The following CEP112 variants were observed in gnomAD, a reference collection of about 807,000 sequenced individuals.
CEP112 encodes centrosomal protein of 112 kDa.
A neutral mutation model predicts 153.0 loss-of-function variants in CEP112; 127 were observed. The ratio of observed to expected loss-of-function variants is 0.83; its 90% CI spans 0.72 to 0.96. The LOEUF (loss-of-function observed/expected upper bound fraction) is 0.96, where lower values mean the gene tolerates loss of function less well. CEP112 is among the 40% of genes least tolerant of loss of function. CEP112 has a pLI of 0.00. For synonymous variants in CEP112, 358 were observed against 374.4 expected, an observed-to-expected ratio of 0.96 and a Z score of 0.51; for missense variants, 1,089 against 1,101.2, an observed-to-expected ratio of 0.99 and a Z score of 0.16.
At chr17:65,799,973 G>A (rs973487478) in intron 21 of CEP112, among the ~76,000 whole-genome samples, 10 of 152,156 alleles carry the variant, frequency 6.6e-5, no homozygotes, top group Non-Finnish European at 1.3e-4. Flanking sequence ...AACTACAGGT[G>A]AGTCATACAT....
intron 23 of CEP112, among the ~76,000 whole-genome samples, chr17:65,722,556 C>G (rs952532822): frequency 3.9e-5 from 6 of 152,114 alleles, no homozygotes; most frequent in Non-Finnish European, 8.8e-5. Context: ...GCCAGTAGAG[C>G]CAATTTTTTA....
chr17:65,933,449 A>G (rs2061195040), intron 18 of CEP112, among the ~76,000 whole-genome samples: 1 of 152,210 alleles, frequency 6.6e-6, no homozygotes, highest in South Asian at 2.1e-4. Context: ...GAAGATACAT[A>G]TCACATACAA....
intron 21 of CEP112, among the ~76,000 whole-genome samples, chr17:65,781,696 G>A (rs1335056579): frequency 6.6e-6 from 1 of 152,062 alleles, no homozygotes; most frequent in Non-Finnish European, 1.5e-5. Context: ...CAGAAATAAA[G>A]ATGCACATCT....
At chr17:66,074,103 T>C (rs1057137822) in intron 8 of CEP112, among the ~76,000 whole-genome samples, 33 of 152,112 alleles carry the variant, frequency 2.2e-4, no homozygotes, top group African/African-American at 7.7e-4. Flanking sequence ...AATATTATTT[T>C]AATGAAAGAA....
At position 65,786,602 on chromosome 17, in the gene CEP112, G is replaced by A. The variant is rs1031106737; in HGVS notation, c.2395-35878C>T. ...TTTTTTTTTTTTTTTTGCTGTTGTT[G>A]TTGAGGCAGGGTCTCACTCTGTCAC... On this transcript the variant is annotated intron_variant, in intron 21 of 26. Coordinates refer to ENST00000535342, the MANE Select transcript of CEP112 (RefSeq NM_001199165.4). 4.6e-5 allele frequency among the ~76,000 whole-genome samples: 3 copies of A among 65,736 alleles called. No homozygotes were observed. The South Asian group carries it at 1.5e-3, about 33-fold the overall frequency. The allele number at this position is 65,736 out of a possible 152,430, so 43.1% of individuals were successfully genotyped here. A position where few individuals can be genotyped will look rare whatever the true frequency, so the allele number is the denominator to read the frequency against.
intron 18 of CEP112, among the ~76,000 whole-genome samples, chr17:65,939,504 T>G (rs1349369797): frequency 6.6e-6 from 1 of 152,070 alleles, no homozygotes; most frequent in Non-Finnish European, 1.5e-5. Context: ...AATAAAAAAC[T>G]ACATTAATCA....
chr17:65,751,294 C>G (rs1042697331), intron 21 of CEP112, among the ~76,000 whole-genome samples: 4 of 152,264 alleles, frequency 2.6e-5, no homozygotes, highest in Admixed American at 6.5e-5. Context: ...AATAGGGTGG[C>G]CTTTCCACAA....
chr17:65,975,373 A>G (rs1490548737), intron 17 of CEP112, among the ~76,000 whole-genome samples: 1 of 152,244 alleles, frequency 6.6e-6, no homozygotes, highest in African/African-American at 2.4e-5. Context: ...TTAGAGAGAT[A>G]TAGAAATATA....
At chr17:66,179,730 T>A (rs1277335366) in intron 2 of CEP112, among the ~76,000 whole-genome samples, 1 of 152,200 alleles carries the variant, frequency 6.6e-6, no homozygotes, top group Non-Finnish European at 1.5e-5. Flanking sequence ...CTATGCTGAA[T>A]AACAGCGGTG....
chr17:65,859,728 G>A (rs1322105398), intron 20 of CEP112, among the ~76,000 whole-genome samples: 1 of 150,786 alleles, frequency 6.6e-6, no homozygotes, highest in African/African-American at 2.4e-5. Context: ...AAAAAACTGG[G>A]CCAGGTGCGG....
chr17:65,848,544 T>TCTCC (rs1475020984), intron 21 of CEP112, among the ~76,000 whole-genome samples: 1 of 151,920 alleles, frequency 6.6e-6, no homozygotes, highest in African/African-American at 2.4e-5. Flanking sequence ...TTGCCCTCTC[T>TCTCC]CTCCCTCCCT....
intron 8 of CEP112, among the ~76,000 whole-genome samples, chr17:66,083,722 G>A (rs966821399): frequency 2.0e-5 from 3 of 152,086 alleles, no homozygotes; most frequent in Non-Finnish European, 4.4e-5. Flanking sequence ...GTGGTGGTGA[G>A]TGCCTGTAGT....
rs549271338 is a variant in CEP112 at position 65,920,440 on chromosome 17, T to C, written c.1980+7142A>G. 7.5e-5 allele frequency among the ~76,000 whole-genome samples: 10 copies of C among 133,618 alleles called. No homozygotes were observed. In the South Asian group the frequency reaches 2.4e-3, roughly 32 times the overall value. The allele number at this position is 133,618 out of a possible 152,430, so 87.7% of individuals were successfully genotyped here. ...TATAATATGCATTATACATATATTT[T>C]ATATATATATATTACTGTGAAGATG... On this transcript the variant is annotated intron_variant, in intron 19 of 26. Coordinates refer to ENST00000535342, the MANE Select transcript of CEP112 (RefSeq NM_001199165.4).
At chr17:65,791,511 A>G (rs568517495) in intron 21 of CEP112, among the ~76,000 whole-genome samples, 74 of 152,358 alleles carry the variant, frequency 4.9e-4, no homozygotes, top group Admixed American at 1.5e-3. Flanking sequence ...TAATTGATAC[A>G]AAACACATGA....
chr17:65,819,474 G>C (rs1273548895), intron 21 of CEP112, among the ~76,000 whole-genome samples: 1 of 151,932 alleles, frequency 6.6e-6, no homozygotes, highest in Non-Finnish European at 1.5e-5. Flanking sequence ...CAAAATTAGT[G>C]AACAAAAGTC....
At chr17:65,712,742 G>A (rs183355660) in intron 23 of CEP112, among the ~76,000 whole-genome samples, 1 of 152,170 alleles carries the variant, frequency 6.6e-6, no homozygotes, top group Admixed American at 6.5e-5. Flanking sequence ...GGTTAGAACT[G>A]TCTGGGTCCT....
At chr17:65,865,600 T>C (rs775526896) in intron 20 of CEP112, among the ~76,000 whole-genome samples, 29 of 152,122 alleles carry the variant, frequency 1.9e-4, no homozygotes, top group Non-Finnish European at 3.4e-4. Context: ...TCCCTCCCCA[T>C]AGGTCTCAGG....
At chr17:65,689,665 T>C (rs2048000679) in intron 23 of CEP112, among the ~76,000 whole-genome samples, 1 of 152,148 alleles carries the variant, frequency 6.6e-6, no homozygotes, top group Admixed American at 6.5e-5. Flanking sequence ...TTTGAGTAAA[T>C]TATAGCAGCC....
intron 1 of CEP112, among the ~76,000 whole-genome samples, chr17:66,185,369 CACA>C (rs2072885025): frequency 6.6e-6 from 1 of 152,088 alleles, no homozygotes; most frequent in Non-Finnish European, 1.5e-5. Flanking sequence ...ATTACAGGCA[CACA>C]CCACCATGCC....
Sources: allele counts gnomAD v4.1 joint callset (sites outside exome capture counted in the v4.1 genomes callset), GRCh38; gene constraint gnomAD v4.1.1; transcripts MANE v1.5; gene names NCBI Gene and HGNC (gene_info 2026-07-23, HGNC 2026-07-21).